Variants in GAS7 observed in about 807,000 individuals in gnomAD.
The protein encoded by GAS7 is growth arrest-specific protein 7.
In GAS7, 28 loss-of-function variants were observed where a neutral mutation model predicts 71.1. The ratio of observed to expected loss-of-function variants is 0.39; its 90% CI spans 0.29 to 0.54. The LOEUF (loss-of-function observed/expected upper bound fraction) is 0.54. GAS7 is among the 20% of genes least tolerant of loss of function. The pLI is 0.62. For missense variants in GAS7, 436 were observed against 627.8 expected (o/e 0.69, Z 3.27); for synonymous variants, 258 against 245.8 (o/e 1.05, Z -0.46).
At chr17:10,090,245 C>T (rs9893123) in intron 1 of GAS7, among the ~76,000 whole-genome samples, 18,669 of 151,700 alleles carry the variant, frequency 0.12, 1,312 homozygotes, top group East Asian at 0.21. Context: ...CTAAGTCCTT[C>T]AGTACAATTT....
chr17:9,941,288 C>T (rs1247417514), intron 7 of GAS7, among the ~76,000 whole-genome samples: 2 of 152,194 alleles, frequency 1.3e-5, no homozygotes, highest in African/African-American at 4.8e-5. Flanking sequence ...CCCCTACCTT[C>T]ACCTCCAGAC....
At chr17:10,097,577 C>A (rs2073654547) in intron 1 of GAS7, among the ~76,000 whole-genome samples, 2 of 152,186 alleles carry the variant, frequency 1.3e-5, no homozygotes, top group African/African-American at 4.8e-5. Flanking sequence ...CCATGAGATC[C>A]CTTCCAGGCT....
intron 1 of GAS7, among the ~76,000 whole-genome samples, chr17:10,077,631 C>T (rs2073409558): frequency 6.6e-6 from 1 of 152,172 alleles, no homozygotes; most frequent in South Asian, 2.1e-4. Context: ...TGGCAGAAAA[C>T]AACGGGTTGA....
At chr17:9,932,185 T>TC (rs974133203) in intron 9 of GAS7, among the ~76,000 whole-genome samples, 6 of 134,480 alleles carry the variant, frequency 4.5e-5, no homozygotes, top group South Asian at 4.8e-4. Flanking sequence ...CTCTGAAAGG[T>TC]CCCCCCCGCT....
intron 1 of GAS7, among the ~76,000 whole-genome samples, chr17:10,029,775 C>A (rs757190088): frequency 1.3e-5 from 2 of 151,924 alleles, no homozygotes; most frequent in African/African-American, 4.8e-5. Context: ...TTGCTTGAAC[C>A]TAGAAGGCGG....
chr17:9,992,783 T>C (rs1275737112), intron 2 of GAS7, among the ~76,000 whole-genome samples: 2 of 118,362 alleles, frequency 1.7e-5, no homozygotes, highest in African/African-American at 3.2e-5. Flanking sequence ...GTCCCCAGAG[T>C]GTGATGTTCC....
chr17:9,970,610 C>T (rs2069922497), intron 3 of GAS7, among the ~76,000 whole-genome samples: 1 of 151,946 alleles, frequency 6.6e-6, no homozygotes, highest in South Asian at 2.1e-4. Context: ...CCAGCCTGGG[C>T]AACAAGAGCA....
chr17:10,050,512 A>ATGTCACCC (rs1166797718), intron 1 of GAS7, among the ~76,000 whole-genome samples: 1 of 152,022 alleles, frequency 6.6e-6, no homozygotes, highest in Non-Finnish European at 1.5e-5. Context: ...CTGGGTGCAG[A>ATGTCACCC]TGTCACCCCC....
chr17:10,137,961 G>GT lies in GAS7; in HGVS notation c.183+60246dup, dbSNP rs796625229. 3.9e-3 allele frequency among the ~76,000 whole-genome samples: 577 copies of GT among 148,662 alleles called. 6 individuals are homozygous for GT. The highest frequency in any genetic ancestry group is 0.013 in the African/African-American group (526 of 40,532). On this transcript the variant is annotated intron_variant, in intron 1 of 13. Coordinates refer to ENST00000432992, the MANE Select transcript of GAS7 (RefSeq NM_201433.2). ...CCCTTCATTTTATACTTTTTTCAAG[G>GT]TTTTTTTTTTCTTTTTTTGAGACGG...
rs540603787 is a variant in GAS7, at chr17:10,026,040, C to T, written c.184-6143G>A. The T allele has an allele frequency of 1.8e-5, 5 of 278,702 alleles. No homozygotes were observed. Among genetic ancestry groups the T allele is most frequent in the African/African-American group, 3.4e-5 (1 of 29,726 alleles). The allele number at this position is 278,702 out of a possible 1,614,324, so 17.3% of individuals were successfully genotyped here. A position where few individuals can be genotyped will look rare whatever the true frequency, so the allele number is the denominator to read the frequency against. ...CCAGGCAGTACAGACCCTGCTACTCCGCTCCCTACCGCTCCCACCATGCTT... is the reference window on the plus strand; with the variant it reads ...CCAGGCAGTACAGACCCTGCTACTCTGCTCCCTACCGCTCCCACCATGCTT... On this transcript the variant is annotated intron_variant, in intron 1 of 13. Coordinates refer to ENST00000432992, the MANE Select transcript of GAS7 (RefSeq NM_201433.2). The surrounding 1 kb of genome is among the most constrained non-coding windows in gnomAD (Gnocchi z 4.5).
At chr17:10,007,625 C>CAAAAAA (rs201254619) in intron 2 of GAS7, among the ~76,000 whole-genome samples, 92 of 46,400 alleles carry the variant, frequency 2.0e-3, no homozygotes, top group Non-Finnish European at 3.1e-3. Flanking sequence ...GATTCTGTCT[C>CAAAAAA]AAAAAAAAAA....
At chr17:9,963,256 T>C (rs891732594) in intron 4 of GAS7, among the ~76,000 whole-genome samples, 6 of 152,136 alleles carry the variant, frequency 3.9e-5, no homozygotes, top group Admixed American at 3.3e-4. Context: ...ACCATTTATA[T>C]GAAATGTCCA....
intron 1 of GAS7, among the ~76,000 whole-genome samples, chr17:10,051,988 T>C (rs7213483): frequency 0.1 from 15,202 of 152,156 alleles, 1,729 homozygotes; most frequent in African/African-American, 0.28. Context: ...CAGTAGTTTA[T>C]TTGACCCTTA....
At chr17:10,178,274 G>A (rs1004068108) in intron 1 of GAS7, among the ~76,000 whole-genome samples, 2 of 152,170 alleles carry the variant, frequency 1.3e-5, no homozygotes, top group Non-Finnish European at 2.9e-5. Context: ...GAAGGGCTTA[G>A]GCCAGAGATG....
intron 1 of GAS7, among the ~76,000 whole-genome samples, chr17:10,049,549 T>C (rs965736571): frequency 6.6e-6 from 1 of 151,694 alleles, no homozygotes; most frequent in Non-Finnish European, 1.5e-5. Context: ...AAAATTTTAC[T>C]TTATTTAAAA....
At chr17:10,046,395 GAAAAAAA>G (rs199532580) in intron 1 of GAS7, among the ~76,000 whole-genome samples, 4 of 137,156 alleles carry the variant, frequency 2.9e-5, no homozygotes, top group African/African-American at 1.1e-4. Context: ...AGAATCGGAG[GAAAAAAA>G]AAAAAACTCG....
chr17:10,141,050 C>T (rs2074075749), intron 1 of GAS7, among the ~76,000 whole-genome samples: 1 of 152,228 alleles, frequency 6.6e-6, no homozygotes, highest in Non-Finnish European at 1.5e-5. Flanking sequence ...AGAAAGGCTG[C>T]TTCTGGGGAC....
intron 1 of GAS7, among the ~76,000 whole-genome samples, chr17:10,022,335 G>A (rs1302150171): frequency 6.6e-6 from 1 of 152,182 alleles, no homozygotes; most frequent in Non-Finnish European, 1.5e-5. Context: ...AAGATGCCAG[G>A]TGTCCTCCCC....
At position 9,914,848 on chromosome 17, in the gene GAS7, G is replaced by A. The variant is rs2067539674; in HGVS notation, c.*2380C>T. On this transcript the variant is annotated 3_prime_UTR_variant, in exon 14 of 14. Coordinates refer to ENST00000432992, the MANE Select transcript of GAS7 (RefSeq NM_201433.2). ...TGTCTTGAGCATTCGCTGAATGAATGCAGATTAATCAGAACAACAGACTTA... is the reference window on the plus strand; with the variant it reads ...TGTCTTGAGCATTCGCTGAATGAATACAGATTAATCAGAACAACAGACTTA... 4.3e-6 allele frequency: 1 copy of A among 230,994 alleles called. No individual in the cohort carries two copies. Among genetic ancestry groups the A allele is most frequent in the African/African-American group, 2.2e-5 (1 of 45,218 alleles). The allele number at this position is 230,994 out of a possible 1,614,324, so 14.3% of individuals were successfully genotyped here.
Sources: gnomAD v4.1 joint callset for allele counts (sites outside exome capture counted in the v4.1 genomes callset) on GRCh38, gnomAD v4.1.1 for gene constraint, Gnocchi (gnomAD v3.1) non-coding constraint, MANE v1.5 for transcripts, NCBI Gene and HGNC (gene_info 2026-07-23, HGNC 2026-07-21) for gene names.